The following CEP44 variants were observed in gnomAD, a reference collection of about 807,000 sequenced individuals.
The protein encoded by CEP44 is centrosomal protein of 44 kDa.
In CEP44, 45 loss-of-function variants were observed where a neutral mutation model predicts 46.7. That is an observed-to-expected ratio of 0.96 (90% confidence interval 0.76 to 1.24). The LOEUF (loss-of-function observed/expected upper bound fraction) is 1.24, where lower values mean the gene tolerates loss of function less well. CEP44 is among the 50% of genes most tolerant of loss of function. CEP44 has a pLI of 0.00. For missense variants in CEP44, 475 were observed against 459.7 expected (o/e 1.03, Z -0.30); for synonymous variants, 142 against 146.0 (o/e 0.97, Z 0.20).
In CEP44 at chr4:174,318,508, A is replaced by T. The variant is rs1046111335; in HGVS notation, c.*1125A>T. 1.1e-6 allele frequency: 1 copy of T among 878,640 alleles called. No individual in the cohort carries two copies. The highest frequency in any genetic ancestry group is 6.2e-5 in the Admixed American group (1 of 16,078). 54.4% of individuals were successfully genotyped at this position (878,640 alleles called of 1,614,324 possible). A position where few individuals can be genotyped will look rare whatever the true frequency, so the allele number is the denominator to read the frequency against. On this transcript the variant is annotated 3_prime_UTR_variant, in exon 12 of 12. Coordinates refer to ENST00000503780, the MANE Select transcript of CEP44 (RefSeq NM_001040157.3). Reference sequence around the variant, plus strand: ...AATGAAATTTATTTTTAATATTACTACTATATGAATTATCTTTTTTTAAAC... The same window carrying T: ...AATGAAATTTATTTTTAATATTACTTCTATATGAATTATCTTTTTTTAAAC...
chr4:174,294,024 T>C (rs934744121), intron 1 of CEP44, among the ~76,000 whole-genome samples: 3 of 152,170 alleles, frequency 2.0e-5, no homozygotes, highest in Non-Finnish European at 4.4e-5. Context: ...CCTCTTCATA[T>C]TATTTACAAT....
intron 1 of CEP44, among the ~76,000 whole-genome samples, chr4:174,294,828 G>C (rs1465548890): frequency 7.1e-6 from 1 of 141,190 alleles, no homozygotes; most frequent in Non-Finnish European, 1.6e-5. Context: ...CTCCCTCCCG[G>C]ACGGGACGGC....
chr4:174,291,787 C>CTTTTT (rs56201469), intron 1 of CEP44, among the ~76,000 whole-genome samples: 591 of 46,342 alleles, frequency 0.013, 19 homozygotes, highest in Middle Eastern at 0.029. Context: ...TTTTTCTTTT[C>CTTTTT]TTTTTTTTTT....
In CEP44 at chr4:174,303,765, G is replaced by A. The variant is rs1028124494; in HGVS notation, c.300G>A (p.Gly100=). The change falls in exon 5 of 12, where the codon GGG becomes GGA. Residue 100 remains glycine, a synonymous_variant. Transcript: ENST00000503780. ...ILTKKQFIQC[G]FAEWKIQIVC... is the part of the protein sequence containing the mutation. ...CAAAAAAGCAGTTTATCCAATGTGGGTTTGCAGAATGGAAAATCCAAATTG... is the reference window on the plus strand; with the variant it reads ...CAAAAAAGCAGTTTATCCAATGTGGATTTGCAGAATGGAAAATCCAAATTG... 1.9e-6 allele frequency: 3 copies of A among 1,570,358 alleles called. No individual in the cohort carries two copies. Among genetic ancestry groups the A allele is most frequent in the African/African-American group, 2.7e-5 (2 of 74,370 alleles).
At position 174,288,560 on chromosome 4, in the gene CEP44, A is replaced by G. The variant is rs1221889723; in HGVS notation, c.-148+4617A>G. ...TTGTGTTTAGCTTATTTCACTTAGC[A>G]TAATGTCCTTCAGGTTCATCCATGT... On this transcript the variant is annotated intron_variant, in intron 1 of 11. Transcript: ENST00000503780. The surrounding 1 kb of genome is among the most constrained non-coding windows in gnomAD (Gnocchi z 4.6). Among the ~76,000 whole-genome samples, 1 of 152,154 alleles carries G rather than the reference A, an allele frequency of 6.6e-6. No homozygotes were observed. The highest frequency in any genetic ancestry group is 1.5e-5 in the Non-Finnish European group (1 of 68,030).
rs1262656543 is a variant in CEP44, at chr4:174,317,991, T to A, written c.*608T>A. 3 of 985,176 alleles carry A rather than the reference T, an allele frequency of 3.0e-6. No homozygotes were observed. The African/African-American group carries it at 5.2e-5, about 17-fold the overall frequency. The allele number at this position is 985,176 out of a possible 1,614,324, so 61.0% of individuals were successfully genotyped here. ...GGCTGGAGGACTATGGTCCTCAAGT[T>A]TAGACCAAGAGGACTATGGTCTCAA... On this transcript the variant is annotated 3_prime_UTR_variant, in exon 12 of 12. Transcript: ENST00000503780.
intron 9 of CEP44, among the ~76,000 whole-genome samples, chr4:174,313,982 C>T (rs563582618): frequency 4.3e-4 from 66 of 152,214 alleles, no homozygotes; most frequent in Non-Finnish European, 7.9e-4. Context: ...ATACATTGGT[C>T]CTTGATTTAG....
rs986208822 is a variant in CEP44, at chr4:174,329,795, A to T, written c.1087-1687A>T. ...CATCATTCTTTCTCAAGATAGATTT[A>T]TGGTAAAAATAGACTACTGAACTGT... On this transcript the variant is annotated intron_variant, in intron 8 of 8. Transcript: ENST00000426172. The surrounding 1 kb of genome is among the most constrained non-coding windows in gnomAD (Gnocchi z 4.0). 1.3e-4 allele frequency among the ~76,000 whole-genome samples: 20 copies of T among 152,152 alleles called. 1 individual carries two copies. The highest frequency in any genetic ancestry group is 1.0e-3 in the South Asian group (5 of 4,832).
intron 8 of CEP44, among the ~76,000 whole-genome samples, chr4:174,328,193 A>G (rs1731100670): frequency 6.6e-6 from 1 of 152,228 alleles, no homozygotes; most frequent in African/African-American, 2.4e-5. Context: ...TCCAGAACCC[A>G]ACATTTCCAC....
intron 1 of CEP44, among the ~76,000 whole-genome samples, chr4:174,296,336 C>T (rs996937673): frequency 6.6e-6 from 1 of 152,118 alleles, no homozygotes; most frequent in Non-Finnish European, 1.5e-5. Context: ...TGACATTCAG[C>T]CTTAAGAGGT....
rs1327660568 is a variant in CEP44 at position 174,288,241 on chromosome 4, A to G, written c.-148+4298A>G. Among the ~76,000 whole-genome samples the G allele has an allele frequency of 1.3e-5, 2 of 152,170 alleles. No individual in the cohort carries two copies. The highest frequency in any genetic ancestry group is 2.9e-5 in the Non-Finnish European group (2 of 68,008). ...ATTACTACAAGAAATCAATGCCATC[A>G]CCTTGAAAAGTTTCCTTCTACTCAT... On this transcript the variant is annotated intron_variant, in intron 1 of 11. Coordinates refer to ENST00000503780, the MANE Select transcript of CEP44 (RefSeq NM_001040157.3). The surrounding 1 kb of genome is among the most constrained non-coding windows in gnomAD (Gnocchi z 4.6).
Position 174,331,848 on chromosome 4 carries a change from T to G in CEP44, c.*253T>G, listed in dbSNP as rs1238703781. ...TAGCCCCTCACTCATATTTTTCATG[T>G]GGGTTTATAGCTTTCATATTTCTTT... On this transcript the variant is annotated 3_prime_UTR_variant, in exon 9 of 9. Coordinates refer to the CEP44 transcript ENST00000426172. This position sits in a 1 kb window ranked among gnomAD's most constrained non-coding sequence, Gnocchi z 4.5. 2.5e-6 allele frequency: 1 copy of G among 403,608 alleles called. No homozygotes were observed. The highest frequency in any genetic ancestry group is 2.0e-5 in the African/African-American group (1 of 49,258). 25.0% of individuals were successfully genotyped at this position (403,608 alleles called of 1,614,324 possible).
rs1446090462 is a variant in CEP44, at chr4:174,314,144, TTAGAAG to T, written c.962-2015_962-2010del. 1.4e-4 allele frequency among the ~76,000 whole-genome samples: 21 copies of T among 152,278 alleles called. No homozygotes were observed. The highest frequency in any genetic ancestry group is 4.6e-4 in the African/African-American group (19 of 41,560). ...TTTCATGTCCCATACCCCCATAATCTTAGAAGTAGAAGAGTCCCTTTCTTTACAGAG... is the reference window on the plus strand; with the variant it reads ...TTTCATGTCCCATACCCCCATAATCTTAGAAGAGTCCCTTTCTTTACAGAG... On this transcript the variant is annotated intron_variant, in intron 9 of 11. Transcript: ENST00000503780. The surrounding 1 kb of genome is among the most constrained non-coding windows in gnomAD (Gnocchi z 4.1).
At position 174,318,836 on chromosome 4, in the gene CEP44, G is replaced by A. The variant is rs1045529164; in HGVS notation, c.*1453G>A. 1.7e-6 allele frequency: 1 copy of A among 585,734 alleles called. No individual in the cohort carries two copies. The highest frequency in any genetic ancestry group is 2.1e-5 in the African/African-American group (1 of 48,758). 36.3% of individuals were successfully genotyped at this position (585,734 alleles called of 1,614,324 possible). On this transcript the variant is annotated 3_prime_UTR_variant, in exon 12 of 12. Coordinates refer to ENST00000503780, the MANE Select transcript of CEP44 (RefSeq NM_001040157.3). ...TTTTTTTTTTTCTTTTTGAAACAGG[G>A]TCTCACTCTATTGCCCAGGCTGGAG...
rs753013658 is a variant in CEP44, at chr4:174,302,184, A to G, written c.235A>G (p.Lys79Glu). 2 of 1,585,978 alleles carry G rather than the reference A, an allele frequency of 1.3e-6. No homozygotes were observed. Among genetic ancestry groups the G allele is most frequent in the South Asian group, 2.3e-5 (2 of 86,416 alleles). ...CTTGCGCTTTATAGATGCTGTCTATAAGGTATTTTGAGTTTATCAAACAAT... is the reference window on the plus strand; with the variant it reads ...CTTGCGCTTTATAGATGCTGTCTATGAGGTATTTTGAGTTTATCAAACAAT... Reference protein sequence around the residue: ...NDLRFIDAVYKLLRDQFNYKP... With the variant: ...NDLRFIDAVYELLRDQFNYKP... Residue 79 changes from lysine (K) to glutamate (E), a missense_variant and splice_region_variant, in exon 4 of 12, where the codon AAG becomes GAG. Transcript: ENST00000503780.
At chr4:174,316,758 T>C (rs960122909) in intron 11 of CEP44, 191 bp downstream of exon 11, 6 of 456,814 alleles carry the variant, frequency 1.3e-5, no homozygotes, top group African/African-American at 4.1e-5. Context: ...GTCACTGTTT[T>C]AGTTTCCAAC....
At position 174,319,790 on chromosome 4, in the gene CEP44, C is replaced by G; in HGVS notation, c.*2407C>G. On this transcript the variant is annotated 3_prime_UTR_variant, in exon 12 of 12. Coordinates refer to ENST00000503780, the MANE Select transcript of CEP44 (RefSeq NM_001040157.3). ...TTACAAAGAGTCTTTATCTAGACAA[C>G]ATAATTTTTGGAAAAATAAAGCAAA... 1.1e-6 allele frequency: 1 copy of G among 951,804 alleles called. No individual in the cohort carries two copies. Among genetic ancestry groups the G allele is most frequent in the Non-Finnish European group, 1.3e-6 (1 of 799,118 alleles). 59.0% of individuals were successfully genotyped at this position (951,804 alleles called of 1,614,324 possible).
downstream of CEP44, among the ~76,000 whole-genome samples, chr4:174,321,692 A>G (rs1742329695): frequency 6.6e-6 from 1 of 152,152 alleles, no homozygotes; most frequent in Non-Finnish European, 1.5e-5. Context: ...ATGGAAAGCA[A>G]TTATTAGAGA....
In CEP44 at chr4:174,288,150, A is replaced by G. The variant is rs777582466; in HGVS notation, c.-148+4207A>G. Among the ~76,000 whole-genome samples the G allele has an allele frequency of 6.6e-6, 1 of 152,176 alleles. No homozygotes were observed. On this transcript the variant is annotated intron_variant, in intron 1 of 11. Transcript: ENST00000503780. This position sits in a 1 kb window ranked among gnomAD's most constrained non-coding sequence, Gnocchi z 4.6. The stretch of plus-strand genomic sequence containing the variant: ...CGGTATGATTGACATACAGAAAGCT[A>G]TAGACATTTAATGTATACAGTTTCT...
Sources: gnomAD v4.1 joint callset for allele counts (sites outside exome capture counted in the v4.1 genomes callset) on GRCh38, gnomAD v4.1.1 for gene constraint, Gnocchi (gnomAD v3.1) non-coding constraint, MANE v1.5 for transcripts, NCBI Gene and HGNC (gene_info 2026-07-23, HGNC 2026-07-21) for gene names.